The following ZNF502 variants were observed in gnomAD, a reference collection of about 807,000 sequenced individuals.
ZNF502 encodes the protein zinc finger protein 502.
A neutral mutation model predicts 43.6 loss-of-function variants in ZNF502; 29 were observed. The ratio of observed to expected loss-of-function variants is 0.67; its 90% CI spans 0.50 to 0.91. The LOEUF is 0.91. Ranked by LOEUF, ZNF502 falls within the 40% of genes least tolerant of loss-of-function variation. The pLI, the probability that ZNF502 is intolerant of heterozygous loss-of-function variation, is 0.00. For synonymous variants in ZNF502, 171 were observed against 207.4 expected, an observed-to-expected ratio of 0.82 and a Z score of 1.51; for missense variants, 591 against 647.2, an observed-to-expected ratio of 0.91 and a Z score of 0.94.
Position 44,716,349 on chromosome 3 carries a change from G to A in ZNF502, c.-60+3609G>A, listed in dbSNP as rs537162718. ...ATTACAGGTGCCTGCCACTGCGCCC[G>A]GCTAATTTTTTGTATTTTTTAGTAG... On this transcript the variant is annotated intron_variant, in intron 1 of 2. Transcript: ENST00000436624. Among the ~76,000 whole-genome samples the A allele has an allele frequency of 8.6e-5, 13 of 151,852 alleles. No homozygotes were observed. In the South Asian group the frequency reaches 2.3e-3, roughly 27 times the overall value.
Position 44,723,757 on chromosome 3 carries a change from A to G in ZNF502, c.*1305A>G, listed in dbSNP as rs1464898817. 1 of 152,206 alleles carries G rather than the reference A, an allele frequency of 6.6e-6. No homozygotes were observed. The highest frequency in any genetic ancestry group is 2.4e-5 in the African/African-American group (1 of 41,462). 9.4% of individuals were successfully genotyped at this position (152,206 alleles called of 1,614,324 possible). On this transcript the variant is annotated 3_prime_UTR_variant, in exon 3 of 3. Coordinates refer to ENST00000436624, the MANE Select transcript of ZNF502 (RefSeq NM_001134442.3). ...TGAGGATAGCCTTTGATTGGTATTT[A>G]AAATAATTTCTAAGCTGTGAAGCTT...
At chr3:44,717,405 CTTTT>C (rs34497930) in intron 1 of ZNF502, among the ~76,000 whole-genome samples, 3 of 76,044 alleles carry the variant, frequency 3.9e-5, no homozygotes, top group South Asian at 5.8e-4. Flanking sequence ...GTGATGCAAT[CTTTT>C]TTTTTTTTTT....
chr3:44,717,808 C>T (rs942220340), intron 1 of ZNF502, among the ~76,000 whole-genome samples: 1 of 151,942 alleles, frequency 6.6e-6, no homozygotes, highest in Non-Finnish European at 1.5e-5. Flanking sequence ...CACCACTACA[C>T]CCAACTTAAT....
rs1318474592 is a variant in ZNF502, at chr3:44,722,990, A to C, written c.*538A>C. On this transcript the variant is annotated 3_prime_UTR_variant, in exon 3 of 3. Coordinates refer to ENST00000436624, the MANE Select transcript of ZNF502 (RefSeq NM_001134442.3). ...ACAAGTAAGAGCCAAAAAAAAAAAA[A>C]AAAAAAATCCATATCCATTCATTAA... The C allele has an allele frequency of 6.6e-6, 1 of 152,190 alleles. No homozygotes were observed. Among genetic ancestry groups the C allele is most frequent in the Non-Finnish European group, 1.5e-5 (1 of 68,258 alleles). 9.4% of individuals were successfully genotyped at this position (152,190 alleles called of 1,614,324 possible). A position where few individuals can be genotyped will look rare whatever the true frequency, so the allele number is the denominator to read the frequency against.
At position 44,720,342 on chromosome 3, in the gene ZNF502, G is replaced by A. The variant is rs1015641037; in HGVS notation, c.55+26G>A. On this transcript the variant is annotated intron_variant, in intron 2 of 2. Coordinates refer to ENST00000436624, the MANE Select transcript of ZNF502 (RefSeq NM_001134442.3). ...GTGAGTGAGCAAGGGACAAGCAGTGGGAGAAATAGTCAGCCAATAGGAAGC... is the reference window on the plus strand; with the variant it reads ...GTGAGTGAGCAAGGGACAAGCAGTGAGAGAAATAGTCAGCCAATAGGAAGC... 3 of 1,612,024 alleles carry A rather than the reference G, an allele frequency of 1.9e-6. No homozygotes were observed. The African/African-American group carries it at 4.0e-5, about 22-fold the overall frequency.
chr3:44,721,813 C>G lies in ZNF502; in HGVS notation c.996C>G (p.Phe332Leu), dbSNP rs1559501233. The change falls in exon 3 of 3, where the codon TTC becomes TTG. Residue 332 changes from phenylalanine (F) to leucine (L), a missense_variant. Transcript: ENST00000436624. Reference sequence around the variant, plus strand: ...AATGTGACGAATGTGGGAAAACTTTCCAAACAAAGGCAAACCTCTCTCAGC... The same window carrying G: ...AATGTGACGAATGTGGGAAAACTTTGCAAACAAAGGCAAACCTCTCTCAGC... ...PHKCDECGKT[F>L]QTKANLSQHQ... 13 of 1,614,068 alleles carry G rather than the reference C, an allele frequency of 8.1e-6. No individual in the cohort carries two copies. Among genetic ancestry groups the G allele is most frequent in the Admixed American group, 3.3e-5 (2 of 60,012 alleles).
rs538008802 is a variant in ZNF502, at chr3:44,715,426, GATT to G, written c.-60+2689_-60+2691del. The stretch of plus-strand genomic sequence containing the variant: ...TGTACATAAATCTCTGGCCATCTCT[GATT>G]ATGCTTTTTCACTTTTTCTTTGATT... On this transcript the variant is annotated intron_variant, in intron 1 of 2. Coordinates refer to ENST00000436624, the MANE Select transcript of ZNF502 (RefSeq NM_001134442.3). Among the ~76,000 whole-genome samples, 226 of 152,220 alleles carry G rather than the reference GATT, an allele frequency of 1.5e-3. 3 individuals carry two copies. Among genetic ancestry groups the G allele is most frequent in the African/African-American group, 4.8e-3 (198 of 41,554 alleles).
intron 1 of ZNF502, among the ~76,000 whole-genome samples, chr3:44,719,115 A>G (rs986976756): frequency 8.6e-5 from 13 of 151,986 alleles, no homozygotes; most frequent in African/African-American, 2.9e-4. Flanking sequence ...CTGGGATTAC[A>G]GGCACCTGCC....
In ZNF502 at chr3:44,722,370, CTTA is replaced by C; in HGVS notation, c.1555_1557del (p.Tyr519del). ...TACAGAATTCACACTGGTGAGAAGC[CTTA>C]TGAGTGTATTGAGTGTGGAAAGTTC... On this transcript the variant is annotated inframe_deletion, in exon 3 of 3. Coordinates refer to ENST00000436624, the MANE Select transcript of ZNF502 (RefSeq NM_001134442.3). 1 of 1,614,212 alleles carries C rather than the reference CTTA, an allele frequency of 6.2e-7. No homozygotes were observed. The highest frequency in any genetic ancestry group is 8.5e-7 in the Non-Finnish European group (1 of 1,180,034).
Position 44,722,327 on chromosome 3 carries a change from G to A in ZNF502, c.1510G>A (p.Ala504Thr). 1 of 1,613,948 alleles carries A rather than the reference G, an allele frequency of 6.2e-7. No homozygotes were observed. The highest frequency in any genetic ancestry group is 8.5e-7 in the Non-Finnish European group (1 of 1,179,950). ...SECEKTFRKY[A>T]HLSEHYRIHT... ...GTGTGAGAAAACCTTCCGCAAGTAT[G>A]CACACCTTAGTGAACATTACAGAAT... Residue 504 changes from alanine (A) to threonine (T), a missense_variant, in exon 3 of 3, where the codon GCA becomes ACA. Transcript: ENST00000436624.
rs149761315 is a variant in ZNF502, at chr3:44,721,978, G to C, written c.1161G>C (p.Ala387=). ...ATAAGTGTAAAGAATGTGGCAAAGC[G>C]TTTACTCAGAGCACCCCACTCACTA... ...KPYKCKECGK[A]FTQSTPLTKH... is the part of the protein sequence containing the mutation. The change falls in exon 3 of 3, where the codon GCG becomes GCC. Residue 387 remains alanine, a synonymous_variant. Transcript: ENST00000436624. The C allele has an allele frequency of 1.4e-4, 230 of 1,613,898 alleles. No homozygotes were observed. The highest frequency in any genetic ancestry group is 1.9e-4 in the Non-Finnish European group (221 of 1,180,008).
chr3:44,719,855 T>A (rs77141819), intron 1 of ZNF502, among the ~76,000 whole-genome samples: 2 of 152,230 alleles, frequency 1.3e-5, no homozygotes, highest in African/African-American at 4.8e-5. Context: ...TCATATAGAT[T>A]ATTGTATGAT....
Position 44,723,314 on chromosome 3 carries a change from T to C in ZNF502, c.*862T>C, listed in dbSNP as rs1434880003. The C allele has an allele frequency of 6.6e-6, 1 of 152,248 alleles. No individual in the cohort carries two copies. Among genetic ancestry groups the C allele is most frequent in the Admixed American group, 6.5e-5 (1 of 15,280 alleles). The allele number at this position is 152,248 out of a possible 1,614,324, so 9.4% of individuals were successfully genotyped here. On this transcript the variant is annotated 3_prime_UTR_variant, in exon 3 of 3. Coordinates refer to ENST00000436624, the MANE Select transcript of ZNF502 (RefSeq NM_001134442.3). ...TCAGAACAGGAAGCCTGCATGTGAC[T>C]GAGCAAGTCACCTACATAACCCTGC...
chr3:44,713,284 A>G (rs973388964), intron 1 of ZNF502, among the ~76,000 whole-genome samples: 4 of 152,208 alleles, frequency 2.6e-5, no homozygotes, highest in Admixed American at 2.0e-4. Context: ...CTTGTATGTG[A>G]TAGCATGTAT....
chr3:44,714,080 A>T (rs866496007), intron 1 of ZNF502, among the ~76,000 whole-genome samples: 28 of 152,086 alleles, frequency 1.8e-4, no homozygotes, highest in African/African-American at 6.0e-4. Flanking sequence ...CGTTGGAGGG[A>T]TTGTTAAAAA....
chr3:44,722,174 C>T lies in ZNF502; in HGVS notation c.1357C>T (p.His453Tyr), dbSNP rs138403578. ...TAATCAGAACACCTGCCTCACTCAG[C>T]ATATGAGAATTCATACTGGAGAGAA... Reference protein sequence around the residue: ...GFNQNTCLTQHMRIHTGEKPY... With the variant: ...GFNQNTCLTQYMRIHTGEKPY... Residue 453 changes from histidine (H) to tyrosine (Y), a missense_variant, in exon 3 of 3, where the codon CAT becomes TAT. Coordinates refer to ENST00000436624, the MANE Select transcript of ZNF502 (RefSeq NM_001134442.3). 1.1e-5 allele frequency: 18 copies of T among 1,614,192 alleles called. No individual in the cohort carries two copies. The highest frequency in any genetic ancestry group is 1.7e-5 in the Admixed American group (1 of 60,028).
At chr3:44,720,600 T>C (rs1453645898) in intron 2 of ZNF502, among the ~76,000 whole-genome samples, 2 of 152,176 alleles carry the variant, frequency 1.3e-5, no homozygotes, top group Non-Finnish European at 2.9e-5. Context: ...GTGTGTTGGG[T>C]GTTGTTTTTC....
Position 44,720,992 on chromosome 3 carries a change from T to G in ZNF502, c.175T>G (p.Tyr59Asp). 1 of 1,613,970 alleles carries G rather than the reference T, an allele frequency of 6.2e-7. No homozygotes were observed. The highest frequency in any genetic ancestry group is 8.5e-7 in the Non-Finnish European group (1 of 1,179,982). Reference sequence around the variant, plus strand: ...CCAAGATTCTACATTTGAAGAAAAATATGCATGTGAGGGCATGAAGGAAAA... The same window carrying G: ...CCAAGATTCTACATTTGAAGAAAAAGATGCATGTGAGGGCATGAAGGAAAA... Reference protein sequence around the residue: ...EYQDSTFEEKYACEGMKENSP... With the variant: ...EYQDSTFEEKDACEGMKENSP... The change falls in exon 3 of 3, where the codon TAT becomes GAT. Residue 59 changes from tyrosine to aspartate, a missense_variant. Transcript: ENST00000436624.
At chr3:44,718,810 T>G (rs1183408400) in intron 1 of ZNF502, among the ~76,000 whole-genome samples, 1 of 152,020 alleles carries the variant, frequency 6.6e-6, no homozygotes, top group Admixed American at 6.6e-5. Context: ...CCAGATAGGG[T>G]GTCTGGCTTC....
Sources: gnomAD v4.1 joint callset for allele counts (sites outside exome capture counted in the v4.1 genomes callset) on GRCh38, gnomAD v4.1.1 for gene constraint, MANE v1.5 for transcripts, NCBI Gene and HGNC (gene_info 2026-07-23, HGNC 2026-07-21) for gene names.